Variants in ATP2C1 observed in about 807,000 individuals in gnomAD.
ATP2C1 encodes the protein ATPase secretory pathway Ca2+ transporting 1.
Under a neutral mutation model 120.5 loss-of-function variants are expected in ATP2C1, and 31 were observed. The ratio of observed to expected loss-of-function variants is 0.26; its 90% CI spans 0.19 to 0.35. The LOEUF is 0.35. Ranked by LOEUF, ATP2C1 falls within the 10% of genes least tolerant of loss-of-function variation. ATP2C1 has a pLI of 1.00. For missense variants in ATP2C1, 731 were observed against 1,107.5 expected (o/e 0.66, Z 4.83); for synonymous variants, 351 against 358.7 (o/e 0.98, Z 0.24).
intron 2 of ATP2C1, 22 bp from the exon 3 acceptor site, chr3:130,930,394 T>C (rs2059402799): frequency 4.8e-6 from 7 of 1,448,494 alleles, no homozygotes; most frequent in Non-Finnish European, 6.8e-6. Flanking sequence ...TCAAATATTT[T>C]TTCTTTGGTT....
chr3:130,881,320 C>A, intron 1 of ATP2C1, among the ~76,000 whole-genome samples: 1 of 151,698 alleles, frequency 6.6e-6, no homozygotes, highest in East Asian at 1.9e-4. Context: ...TATTTTAAGA[C>A]CTCCTTTTCT....
At chr3:130,896,701 T>C (rs1470990673) in intron 2 of ATP2C1, among the ~76,000 whole-genome samples, 1 of 152,258 alleles carries the variant, frequency 6.6e-6, no homozygotes, top group African/African-American at 2.4e-5. Context: ...CTTGAACCAC[T>C]TAAAGCTGTG....
At chr3:130,872,537 T>C (rs1180746419) in intron 1 of ATP2C1, among the ~76,000 whole-genome samples, 1 of 152,080 alleles carries the variant, frequency 6.6e-6, no homozygotes, top group African/African-American at 2.4e-5. Flanking sequence ...TGCCTATCTG[T>C]GATTATTATT....
intron 17 of ATP2C1, among the ~76,000 whole-genome samples, chr3:130,969,989 T>C (rs899219005): frequency 6.6e-6 from 1 of 152,192 alleles, no homozygotes; most frequent in African/African-American, 2.4e-5. Context: ...ATAGTTGCTA[T>C]TACCAGCTTG....
chr3:131,014,735 T>C (rs1299014440), intron 26 of ATP2C1, among the ~76,000 whole-genome samples: 1 of 152,162 alleles, frequency 6.6e-6, no homozygotes, highest in Non-Finnish European at 1.5e-5. Context: ...AGGCAGTTTG[T>C]TAGAATATGA....
intron 17 of ATP2C1, among the ~76,000 whole-genome samples, chr3:130,972,600 T>C (rs958219519): frequency 4.7e-5 from 7 of 148,934 alleles, no homozygotes; most frequent in African/African-American, 1.7e-4. Flanking sequence ...ATTAGGTATA[T>C]CTCCTAATGC....
At chr3:130,908,125 T>C (rs2058225078) in intron 2 of ATP2C1, among the ~76,000 whole-genome samples, 1 of 152,094 alleles carries the variant, frequency 6.6e-6, no homozygotes, top group Admixed American at 6.5e-5. Flanking sequence ...GCTTCTGAGT[T>C]TGAAGTTTTT....
intron 12 of ATP2C1, chr3:130,963,358 C>G (rs370419179): frequency 6.4e-6 from 1 of 155,444 alleles, no homozygotes; most frequent in African/African-American, 2.4e-5. Context: ...TCTGCTATCT[C>G]TATGGATTTG....
chr3:131,007,733 T>G (rs2063170135), downstream of ATP2C1, among the ~76,000 whole-genome samples: 1 of 152,176 alleles, frequency 6.6e-6, no homozygotes, highest in African/African-American at 2.4e-5. Flanking sequence ...AAGTGACAAT[T>G]TGGTGCCATC....
rs758702647 is a variant in ATP2C1, at chr3:131,002,612, A to C, written c.*1262A>C. On this transcript the variant is annotated 3_prime_UTR_variant, in exon 28 of 28. Transcript: ENST00000510168. ...TTTGTTTTGAGTATGTGGGCCAGAA[A>C]TTTAAAATTAGAAATTTGTTTTTCT... The C allele has an allele frequency of 3.0e-5, 30 of 985,442 alleles. No individual in the cohort carries two copies. Among genetic ancestry groups the C allele is most frequent in the Non-Finnish European group, 3.5e-5 (29 of 829,910 alleles). 61.0% of individuals were successfully genotyped at this position (985,442 alleles called of 1,614,324 possible).
At chr3:130,982,626 T>A (rs188608647) in intron 20 of ATP2C1, among the ~76,000 whole-genome samples, 22 of 152,348 alleles carry the variant, frequency 1.4e-4, no homozygotes, top group African/African-American at 5.3e-4. Flanking sequence ...TTATTAGCTA[T>A]TTTGTAGCCA....
chr3:130,857,518 C>T (rs1040868390), intron 1 of ATP2C1, among the ~76,000 whole-genome samples: 3 of 152,186 alleles, frequency 2.0e-5, no homozygotes, highest in East Asian at 1.9e-4. Context: ...GCCCAAAGAC[C>T]GTCATTACTT....
chr3:130,956,449 T>C (rs1425800311), intron 11 of ATP2C1, among the ~76,000 whole-genome samples: 2 of 152,280 alleles, frequency 1.3e-5, no homozygotes, highest in South Asian at 2.1e-4. Context: ...TTTTATGGAC[T>C]GCTTTTCTAT....
intron 2 of ATP2C1, among the ~76,000 whole-genome samples, chr3:130,921,934 T>C (rs1315340700): frequency 6.6e-6 from 1 of 152,174 alleles, no homozygotes; most frequent in Non-Finnish European, 1.5e-5. Flanking sequence ...CTTTTTTTGT[T>C]ATATTCTTCC....
chr3:130,918,351 C>G (rs2058781027), intron 2 of ATP2C1: 1 of 1,550,462 alleles, frequency 6.4e-7, no homozygotes, highest in South Asian at 1.1e-5. Flanking sequence ...AAGACTCTTC[C>G]CACACTTTGC....
intron 1 of ATP2C1, among the ~76,000 whole-genome samples, chr3:130,866,425 C>G (rs990239165): frequency 3.3e-5 from 5 of 152,152 alleles, no homozygotes; most frequent in African/African-American, 4.8e-5. Context: ...GGCATTTTAT[C>G]CTTACTTTGT....
At chr3:131,015,242 T>C (rs1342316725) in intron 26 of ATP2C1, 6 of 702,114 alleles carry the variant, frequency 8.5e-6, no homozygotes, top group Admixed American at 6.0e-5. Flanking sequence ...ATTCAAAGTA[T>C]TGAAGGCACT....
upstream of ATP2C1, among the ~76,000 whole-genome samples, chr3:130,893,414 G>A (rs2069264461): frequency 6.6e-6 from 1 of 152,154 alleles, no homozygotes; most frequent in Non-Finnish European, 1.5e-5. Context: ...TGGTAACTAA[G>A]CACACCCCTT....
downstream of ATP2C1, among the ~76,000 whole-genome samples, chr3:131,006,838 A>T (rs1175699865): frequency 2.0e-5 from 3 of 149,360 alleles, no homozygotes; most frequent in South Asian, 2.1e-4. Context: ...AATTTTGTGT[A>T]TTTTTTTTTG....
Sources: gnomAD v4.1 joint callset for allele counts (sites outside exome capture counted in the v4.1 genomes callset) on GRCh38, gnomAD v4.1.1 for gene constraint, MANE v1.5 for transcripts, NCBI Gene and HGNC (gene_info 2026-07-23, HGNC 2026-07-21) for gene names.